The following REDIC1 variants were observed in gnomAD, a reference collection of about 807,000 sequenced individuals.
REDIC1 encodes the protein HEI10 Interacting Protein 1.
At chr12:39,657,334 G>A in the REDIC1 span, among the ~76,000 whole-genome samples, 4 of 152,070 alleles carry the variant, frequency 2.6e-5, no homozygotes, top group South Asian at 2.1e-4. Context: ...ATATAGCCTC[G>A]GTGTGTAGTA....
chr12:39,647,432 T>C, the REDIC1 span, among the ~76,000 whole-genome samples: 4 of 152,082 alleles, frequency 2.6e-5, no homozygotes, highest in African/African-American at 9.7e-5. Context: ...AGAGTTAAGC[T>C]AGATCAGAAA....
At chr12:39,838,433 T>C in the REDIC1 span, among the ~76,000 whole-genome samples, 55 of 148,010 alleles carry the variant, frequency 3.7e-4, no homozygotes, top group African/African-American at 1.3e-3. Context: ...ATGGCACATG[T>C]ATACATATGT....
chr12:39,744,949 C>T, the REDIC1 span, among the ~76,000 whole-genome samples: 41 of 152,202 alleles, frequency 2.7e-4, no homozygotes, highest in African/African-American at 9.9e-4. Flanking sequence ...AAGAAGCTCA[C>T]TTTCAATATA....
At chr12:39,856,701 C>G in the REDIC1 span, among the ~76,000 whole-genome samples, 1 of 152,158 alleles carries the variant, frequency 6.6e-6, no homozygotes, top group South Asian at 2.1e-4. Context: ...CACATTTGGT[C>G]CATAGCAATA....
chr12:39,651,700 T>A, the REDIC1 span, among the ~76,000 whole-genome samples: 2 of 152,186 alleles, frequency 1.3e-5, no homozygotes, highest in Non-Finnish European at 2.9e-5. Context: ...AGGTAACAGT[T>A]CTTTTTTGTT....
chr12:39,774,068 T>G, the REDIC1 span, among the ~76,000 whole-genome samples: 3 of 152,212 alleles, frequency 2.0e-5, no homozygotes, highest in Non-Finnish European at 2.9e-5. Flanking sequence ...ACCCTAATAG[T>G]TCTTTGTTGA....
chr12:39,634,388 T>A, the REDIC1 span, among the ~76,000 whole-genome samples: 1 of 152,122 alleles, frequency 6.6e-6, no homozygotes, highest in Non-Finnish European at 1.5e-5. Flanking sequence ...CAAACTATAC[T>A]ACAAGGCTAC....
chr12:39,764,829 TCTG>T, the REDIC1 span: 1 of 1,612,428 alleles, frequency 6.2e-7, no homozygotes, highest in East Asian at 2.2e-5. Context: ...AAATATATCT[TCTG>T]TTTTGAACTT....
At chr12:39,675,745 A>G in the REDIC1 span, among the ~76,000 whole-genome samples, 2 of 152,214 alleles carry the variant, frequency 1.3e-5, no homozygotes, top group Non-Finnish European at 2.9e-5. Context: ...TGGTATCCAC[A>G]GCTGGGAGAC....
At chr12:39,677,098 A>G in the REDIC1 span, among the ~76,000 whole-genome samples, 1 of 151,880 alleles carries the variant, frequency 6.6e-6, no homozygotes, top group Non-Finnish European at 1.5e-5. Flanking sequence ...TCACATGTCA[A>G]TACTAACATT....
chr12:39,775,825 T>C, the REDIC1 span, among the ~76,000 whole-genome samples: 1 of 152,224 alleles, frequency 6.6e-6, no homozygotes, highest in South Asian at 2.1e-4. Context: ...TTATTCAAAA[T>C]ACTTGAGACC....
the REDIC1 span, among the ~76,000 whole-genome samples, chr12:39,654,363 G>C: frequency 6.6e-6 from 1 of 151,934 alleles, no homozygotes; most frequent in East Asian, 1.9e-4. Flanking sequence ...CAAGGTGGGC[G>C]GATCACGAGG....
At chr12:39,789,762 G>A in the REDIC1 span, among the ~76,000 whole-genome samples, 6 of 151,994 alleles carry the variant, frequency 3.9e-5, no homozygotes, top group Non-Finnish European at 7.4e-5. Context: ...TGCCAATATC[G>A]TTCTAAATTG....
the REDIC1 span, among the ~76,000 whole-genome samples, chr12:39,834,053 C>A: frequency 6.6e-6 from 1 of 151,896 alleles, no homozygotes; most frequent in Non-Finnish European, 1.5e-5. Context: ...TAGATCGTAC[C>A]CTTTTGTTCT....
At chr12:39,840,509 C>G in the REDIC1 span, among the ~76,000 whole-genome samples, 63 of 152,042 alleles carry the variant, frequency 4.1e-4, no homozygotes, top group African/African-American at 1.5e-3. Context: ...CCATAGGTGC[C>G]GTGGGTGCTA....
the REDIC1 span, among the ~76,000 whole-genome samples, chr12:39,671,931 A>C: frequency 6.6e-6 from 1 of 152,054 alleles, no homozygotes; most frequent in African/African-American, 2.4e-5. Flanking sequence ...GAGTAAGATG[A>C]TCCCCAGACC....
the REDIC1 span, among the ~76,000 whole-genome samples, chr12:39,711,668 CATG>C: frequency 7.4e-6 from 1 of 135,944 alleles, no homozygotes; most frequent in African/African-American, 2.7e-5. Flanking sequence ...TGTCTATACA[CATG>C]TATGTGTGTA....
the REDIC1 span, among the ~76,000 whole-genome samples, chr12:39,631,979 C>T: frequency 5.9e-5 from 9 of 151,432 alleles, no homozygotes; most frequent in South Asian, 4.2e-4. Context: ...TTTTGTTTAA[C>T]CTTCTGATAA....
chr12:39,691,296 A>G, the REDIC1 span, among the ~76,000 whole-genome samples: 1 of 152,322 alleles, frequency 6.6e-6, no homozygotes, highest in South Asian at 2.1e-4. Context: ...GGAAGCAGCT[A>G]GACAATTTCT....
Sources: allele counts gnomAD v4.1 joint callset (sites outside exome capture counted in the v4.1 genomes callset), GRCh38; gene constraint gnomAD v4.1.1; transcripts MANE v1.5; gene names NCBI Gene and HGNC (gene_info 2026-07-23, HGNC 2026-07-21).